NUP98: variants seen among roughly 807,000 people sequenced by gnomAD.
NUP98 encodes nucleoporin 98 and 96 precursor, also known as nuclear pore complex protein Nup98-Nup96.
A neutral mutation model predicts 191.9 loss-of-function variants in NUP98; 26 were observed. That is an observed-to-expected ratio of 0.14 (90% confidence interval 0.10 to 0.19). NUP98 has a LOEUF of 0.19. Among genes scored for constraint, NUP98 ranks in the 10% least tolerant of loss-of-function variants. The pLI, the probability that NUP98 is intolerant of heterozygous loss-of-function variation, is 1.00. For synonymous variants in NUP98, 808 were observed against 778.4 expected, an observed-to-expected ratio of 1.04 and a Z score of -0.63; for missense variants, 1,941 against 2,178.8, an observed-to-expected ratio of 0.89 and a Z score of 2.17.
chr11:3,688,246 T>A (rs952290860), intron 28 of NUP98, among the ~76,000 whole-genome samples: 1 of 151,700 alleles, frequency 6.6e-6, no homozygotes, highest in Non-Finnish European at 1.5e-5. Flanking sequence ...AAACCCCGTC[T>A]CTACTAAAAA....
At chr11:3,794,782 T>G (rs1198422311) in intron 1 of NUP98, among the ~76,000 whole-genome samples, 4 of 152,024 alleles carry the variant, frequency 2.6e-5, no homozygotes. Context: ...CCTGCCTAAT[T>G]TTTGTATTTT....
At chr11:3,733,758 T>C (rs1481860078) in intron 13 of NUP98, among the ~76,000 whole-genome samples, 1 of 152,246 alleles carries the variant, frequency 6.6e-6, no homozygotes, top group Non-Finnish European at 1.5e-5. Context: ...CACTCTTCTA[T>C]TACCACATAC....
At chr11:3,707,710 G>T (rs2078899076) in intron 20 of NUP98, among the ~76,000 whole-genome samples, 1 of 105,250 alleles carries the variant, frequency 9.5e-6, no homozygotes, top group Non-Finnish European at 1.8e-5. Flanking sequence ...CTGCATTCCA[G>T]CATGGGCAAC....
intron 22 of NUP98, 98 bp downstream of exon 22, chr11:3,705,102 T>G (rs2078819807): frequency 9.0e-7 from 1 of 1,108,368 alleles, no homozygotes; most frequent in Admixed American, 2.1e-5. Context: ...TGGCAGATAC[T>G]TGCTAGAGAA....
At chr11:3,683,146 C>G in intron 30 of NUP98, 54 bp downstream of exon 30, 3 of 1,606,822 alleles carry the variant, frequency 1.9e-6, no homozygotes, top group African/African-American at 1.3e-5. Flanking sequence ...CATGGAGGTT[C>G]AGAGGTTGGA....
chr11:3,700,331 G>C (rs1361896334), intron 24 of NUP98, among the ~76,000 whole-genome samples: 1 of 151,694 alleles, frequency 6.6e-6, no homozygotes, highest in Non-Finnish European at 1.5e-5. Context: ...ATGTTCTCTG[G>C]ATTAGGTAAG....
At chr11:3,778,773 G>T (rs1295282556) in intron 4 of NUP98, 100 bp downstream of exon 4, 1 of 1,268,692 alleles carries the variant, frequency 7.9e-7, no homozygotes, top group Middle Eastern at 1.9e-4. Context: ...CATTTAGTAG[G>T]AAAAGAAGGT....
At chr11:3,740,718 C>G (rs1037761233) in intron 12 of NUP98, among the ~76,000 whole-genome samples, 1 of 151,830 alleles carries the variant, frequency 6.6e-6, no homozygotes. Flanking sequence ...CTGATAATAG[C>G]CGGTTTCTAG....
intron 13 of NUP98, among the ~76,000 whole-genome samples, chr11:3,732,667 T>A (rs534150379): frequency 9.8e-5 from 15 of 152,352 alleles, no homozygotes; most frequent in African/African-American, 3.1e-4. Flanking sequence ...TACAAGTTAG[T>A]GGAGGACACA....
intron 9 of NUP98, among the ~76,000 whole-genome samples, chr11:3,762,655 T>C (rs1174569610): frequency 6.6e-6 from 1 of 152,222 alleles, no homozygotes; most frequent in Admixed American, 6.5e-5. Flanking sequence ...AGAAGTATGA[T>C]GCACATAAGC....
intron 4 of NUP98, among the ~76,000 whole-genome samples, chr11:3,778,188 G>A (rs1341401185): frequency 1.1e-4 from 12 of 113,368 alleles, no homozygotes; most frequent in African/African-American, 1.5e-4. Flanking sequence ...GACAGAGCGA[G>A]ACTCCATCTC....
intron 12 of NUP98, among the ~76,000 whole-genome samples, chr11:3,737,618 T>G (rs946077927): frequency 8.5e-5 from 13 of 152,172 alleles, no homozygotes; most frequent in African/African-American, 3.1e-4. Flanking sequence ...CAGAGCGAGA[T>G]TCCGTCTCAA....
At chr11:3,757,601 C>A (rs1270838221) in intron 10 of NUP98, among the ~76,000 whole-genome samples, 1 of 151,612 alleles carries the variant, frequency 6.6e-6, no homozygotes, top group Non-Finnish European at 1.5e-5. Flanking sequence ...GAGTTCCAGA[C>A]TAGACTGGCC....
chr11:3,717,145 C>T (rs1022655993), intron 18 of NUP98, among the ~76,000 whole-genome samples: 2 of 152,160 alleles, frequency 1.3e-5, no homozygotes, highest in African/African-American at 4.8e-5. Flanking sequence ...CAGGTATGCG[C>T]CACCACGTCT....
At chr11:3,766,762 T>A (rs1202667415) in intron 8 of NUP98, among the ~76,000 whole-genome samples, 1 of 152,074 alleles carries the variant, frequency 6.6e-6, no homozygotes, top group Non-Finnish European at 1.5e-5. Flanking sequence ...TTGTTTTGGC[T>A]ATTCCGGGTT....
chr11:3,693,396 A>C (rs1296859139), intron 26 of NUP98, 21 bp from the exon 27 acceptor site: 2 of 1,613,164 alleles, frequency 1.2e-6, no homozygotes, highest in Non-Finnish European at 1.7e-6. Flanking sequence ...CAAAATCATC[A>C]CCATGGCTAT....
intron 12 of NUP98, among the ~76,000 whole-genome samples, chr11:3,743,589 G>A (rs1472646415): frequency 1.4e-5 from 2 of 142,780 alleles, no homozygotes; most frequent in African/African-American, 5.2e-5. Context: ...AGAGCTTGCA[G>A]TAAGCCAAGA....
At chr11:3,795,709 A>G (rs1454137565) in intron 1 of NUP98, among the ~76,000 whole-genome samples, 4 of 152,236 alleles carry the variant, frequency 2.6e-5, no homozygotes, top group Admixed American at 2.6e-4. Context: ...GATATGTGCT[A>G]TAAATAGAAA....
At chr11:3,788,132 T>TA (rs1042172788) in intron 1 of NUP98, among the ~76,000 whole-genome samples, 3 of 152,074 alleles carry the variant, frequency 2.0e-5, no homozygotes, top group East Asian at 1.9e-4. Context: ...CTGCTCTGGG[T>TA]AAAAAAAATG....
Sources: allele counts gnomAD v4.1 joint callset (sites outside exome capture counted in the v4.1 genomes callset), GRCh38; gene constraint gnomAD v4.1.1; transcripts MANE v1.5; gene names NCBI Gene and HGNC (gene_info 2026-07-23, HGNC 2026-07-21).